The following COQ3 variants were observed in gnomAD, a reference collection of about 807,000 sequenced individuals.
COQ3 encodes the protein coenzyme Q3, methyltransferase.
COQ3 carries 29 observed loss-of-function variants against 33.1 expected under a neutral mutation model. The ratio of observed to expected loss-of-function variants is 0.88; its 90% CI spans 0.65 to 1.19. The LOEUF (loss-of-function observed/expected upper bound fraction) is 1.19, where lower values mean the gene tolerates loss of function less well. Among genes scored for constraint, COQ3 ranks in the 50% most tolerant of loss-of-function variants. The pLI is 0.00. For missense variants in COQ3, 437 were observed against 430.7 expected (o/e 1.01, Z -0.13); for synonymous variants, 173 against 157.8 (o/e 1.10, Z -0.72).
chr6:99,392,897 C>T (rs963512987), intron 1 of COQ3, among the ~76,000 whole-genome samples: 1 of 152,108 alleles, frequency 6.6e-6, no homozygotes, highest in African/African-American at 2.4e-5. Flanking sequence ...CTAAAACTGG[C>T]CACCTCCTTC....
rs1453401087 is a variant in COQ3 at position 99,376,011 on chromosome 6, C to A, written c.658G>T (p.Val220Leu). Residue 220 changes from valine to leucine, a missense_variant, in exon 5 of 7, where the codon GTA (valine) becomes TTA (leucine). Coordinates refer to ENST00000254759, the MANE Select transcript of COQ3 (RefSeq NM_017421.4). ...ACATGTTCTACAACTTCAGAAGCTA[C>A]AACAGCATCAAATGTTTCTGCAGTC... ...EETAETFDAV[V>L]ASEVVEHVID... 2.5e-6 allele frequency: 4 copies of A among 1,613,836 alleles called. No homozygotes were observed. The highest frequency in any genetic ancestry group is 1.7e-5 in the Admixed American group (1 of 60,000).
chr6:99,392,829 G>A (rs1774868685), intron 1 of COQ3, among the ~76,000 whole-genome samples: 1 of 152,018 alleles, frequency 6.6e-6, no homozygotes, highest in Non-Finnish European at 1.5e-5. Context: ...CACCATGTTG[G>A]CCAGGCTGGT....
Position 99,383,825 on chromosome 6 carries a change from C to G in COQ3, c.107-1G>C. ...CCACTGAGCTGGTTCTTCACATAAA[C>G]TGAAAAAAAAAATTAAATATCTAGA... is the stretch of plus-strand genomic sequence containing the variant. On this transcript the variant is annotated splice_acceptor_variant, in intron 1 of 6. Transcript: ENST00000254759. LOFTEE classifies it high-confidence loss of function. 1 of 1,560,694 alleles carries G rather than the reference C, an allele frequency of 6.4e-7. No individual in the cohort carries two copies. The highest frequency in any genetic ancestry group is 1.2e-5 in the South Asian group (1 of 80,848).
chr6:99,382,570 C>T (rs1774503727), intron 2 of COQ3, among the ~76,000 whole-genome samples: 1 of 152,134 alleles, frequency 6.6e-6, no homozygotes, highest in Admixed American at 6.5e-5. Context: ...CAATAGGTAA[C>T]AGTAGGTGGT....
intron 1 of COQ3, among the ~76,000 whole-genome samples, chr6:99,384,648 T>A (rs1774565733): frequency 6.6e-6 from 1 of 152,172 alleles, no homozygotes; most frequent in South Asian, 2.1e-4. Context: ...TATGCTCAAC[T>A]TACACAGGGG....
chr6:99,387,654 C>T (rs558948224), intron 1 of COQ3, among the ~76,000 whole-genome samples: 2 of 152,254 alleles, frequency 1.3e-5, no homozygotes, highest in East Asian at 3.9e-4. Flanking sequence ...AAAGACTAAG[C>T]CCTTTCCCCC....
At chr6:99,379,962 T>C (rs191670040) in intron 3 of COQ3, among the ~76,000 whole-genome samples, 36 of 152,294 alleles carry the variant, frequency 2.4e-4, no homozygotes, top group African/African-American at 8.2e-4. Context: ...CTTGATAATA[T>C]ACAAATAGGC....
intron 1 of COQ3, among the ~76,000 whole-genome samples, chr6:99,386,566 CT>C (rs1478712557): frequency 6.6e-6 from 1 of 152,124 alleles, no homozygotes; most frequent in Admixed American, 6.5e-5. Flanking sequence ...TCTAGCAAGG[CT>C]GACAAAGAAA....
chr6:99,376,153 A>C lies in COQ3; in HGVS notation c.516T>G (p.Ile172Met), dbSNP rs144814919. 2.5e-6 allele frequency: 4 copies of C among 1,614,026 alleles called. No individual in the cohort carries two copies. Among genetic ancestry groups the C allele is most frequent in the Admixed American group, 1.7e-5 (1 of 60,002 alleles). Residue 172 changes from isoleucine (I) to methionine (M), a missense_variant, in exon 5 of 7, where the codon ATT (isoleucine) becomes ATG (methionine). Coordinates refer to ENST00000254759, the MANE Select transcript of COQ3 (RefSeq NM_017421.4). ...EPLGRLGASV[I>M]GIDPVDENIK... ...TGTTCTCATCCACAGGGTCGATTCC[A>C]ATAACTGAAGCCCCAAGCCGCCCTA...
chr6:99,374,257 G>A (rs1774225342), intron 5 of COQ3, among the ~76,000 whole-genome samples: 1 of 152,070 alleles, frequency 6.6e-6, no homozygotes, highest in Non-Finnish European at 1.5e-5. Flanking sequence ...CTATAATGAG[G>A]CAAGTGAGTC....
intron 1 of COQ3, among the ~76,000 whole-genome samples, chr6:99,392,629 C>CTTT (rs398002413): frequency 7.0e-6 from 1 of 143,284 alleles, no homozygotes; most frequent in African/African-American, 2.6e-5. Flanking sequence ...TCTCCAACTG[C>CTTT]TTTTTTTTTT....
Position 99,388,919 on chromosome 6 carries a change from ACACACACACACACACC to A in COQ3, c.107-5111_107-5096del, listed in dbSNP as rs1399372186. Among the ~76,000 whole-genome samples, 38 of 149,534 alleles carry A rather than the reference ACACACACACACACACC, an allele frequency of 2.5e-4. No homozygotes were observed. The East Asian group carries it at 3.3e-3, about 13-fold the overall frequency. ...CACACACACACACACACACACACAC[ACACACACACACACACC>A]CACATCCTCACTCTCTCCCACAATG... On this transcript the variant is annotated intron_variant, in intron 1 of 6. Transcript: ENST00000254759.
intron 1 of COQ3, among the ~76,000 whole-genome samples, chr6:99,391,090 T>TTGATTG (rs1562211499): frequency 5.7e-5 from 7 of 121,824 alleles, no homozygotes; most frequent in African/African-American, 5.5e-5. Context: ...TTTATTTATT[T>TTGATTG]ATTTATTTAT....
intron 4 of COQ3, among the ~76,000 whole-genome samples, chr6:99,376,756 A>T (rs1774293625): frequency 6.6e-6 from 1 of 151,920 alleles, no homozygotes; most frequent in East Asian, 2.0e-4. Flanking sequence ...GAATCACCTG[A>T]GGTCAGGAGT....
intron 6 of COQ3, 133 bp from the exon 7 acceptor site, chr6:99,369,953 G>A: frequency 1.6e-6 from 1 of 628,434 alleles, no homozygotes; most frequent in East Asian, 2.7e-5. Flanking sequence ...GAAAAAAAAA[G>A]GATTCCTAAC....
chr6:99,384,897 G>A (rs1247006238), intron 1 of COQ3, among the ~76,000 whole-genome samples: 1 of 152,168 alleles, frequency 6.6e-6, no homozygotes, highest in Non-Finnish European at 1.5e-5. Flanking sequence ...GATCACCTGA[G>A]GTCATGAGTT....
At chr6:99,388,574 G>A (rs1253224524) in intron 1 of COQ3, among the ~76,000 whole-genome samples, 3 of 151,628 alleles carry the variant, frequency 2.0e-5, no homozygotes, top group East Asian at 2.0e-4. Flanking sequence ...TAGGCCTGGC[G>A]CGGTGGCTTA....
At chr6:99,375,083 C>T (rs1774246840) in intron 5 of COQ3, among the ~76,000 whole-genome samples, 1 of 151,470 alleles carries the variant, frequency 6.6e-6, no homozygotes. Flanking sequence ...AATTCTCCTG[C>T]CTCACCCTCC....
chr6:99,376,696 C>G (rs1365160344), intron 4 of COQ3, among the ~76,000 whole-genome samples: 1 of 152,106 alleles, frequency 6.6e-6, no homozygotes, highest in African/African-American at 2.4e-5. Context: ...GTTGGCCAGG[C>G]ACGGTGGCTC....
Sources: allele counts gnomAD v4.1 joint callset (sites outside exome capture counted in the v4.1 genomes callset), GRCh38; gene constraint gnomAD v4.1.1; transcripts MANE v1.5; gene names NCBI Gene and HGNC (gene_info 2026-07-23, HGNC 2026-07-21).